TRAPPC9: variants seen among roughly 807,000 people sequenced by gnomAD.
The protein encoded by TRAPPC9 is IKK2 binding protein.
A neutral mutation model predicts 124.0 loss-of-function variants in TRAPPC9; 83 were observed. The ratio of observed to expected loss-of-function variants is 0.67; its 90% CI spans 0.56 to 0.80. The LOEUF (loss-of-function observed/expected upper bound fraction) is 0.80. TRAPPC9 is among the 30% of genes least tolerant of loss of function. The pLI, the probability that TRAPPC9 is intolerant of heterozygous loss-of-function variation, is 0.00. For missense variants in TRAPPC9, 1,302 were observed against 1,508.3 expected, an observed-to-expected ratio of 0.86 and a Z score of 2.27; for synonymous variants, 638 against 617.5, an observed-to-expected ratio of 1.03 and a Z score of -0.49.
intron 19 of TRAPPC9, among the ~76,000 whole-genome samples, chr8:139,927,185 G>C (rs987396835): frequency 2.0e-5 from 3 of 152,162 alleles, no homozygotes; most frequent in Non-Finnish European, 4.4e-5. Flanking sequence ...GACTGGGGTG[G>C]AAGAACGAGA....
chr8:139,904,214 G>A (rs575760452), intron 20 of TRAPPC9, among the ~76,000 whole-genome samples: 294 of 152,252 alleles, frequency 1.9e-3, no homozygotes, highest in Non-Finnish European at 3.4e-3. Context: ...ACCTCAAGAC[G>A]GCACAATCTG....
intron 5 of TRAPPC9, among the ~76,000 whole-genome samples, chr8:140,415,944 G>GAGCA (rs2069914853): frequency 6.6e-6 from 1 of 152,124 alleles, no homozygotes; most frequent in Non-Finnish European, 1.5e-5. Flanking sequence ...CTGGGCGACA[G>GAGCA]AGCAAGACCC....
At chr8:140,354,224 A>G (rs1449559608) in intron 9 of TRAPPC9, among the ~76,000 whole-genome samples, 1 of 152,184 alleles carries the variant, frequency 6.6e-6, no homozygotes, top group East Asian at 1.9e-4. Context: ...CATGCAGTTC[A>G]CAGGACCAGG....
rs909739571 is a variant in TRAPPC9 at position 140,400,163 on chromosome 8, C to T, written c.1009-2418G>A. Among the ~76,000 whole-genome samples the T allele has an allele frequency of 7.2e-5, 11 of 152,190 alleles. 1 individual carries two copies. The highest frequency in any genetic ancestry group is 2.4e-4 in the African/African-American group (10 of 41,458). Reference sequence around the variant, plus strand: ...TTAAACCTCTTTCTTTTGTAAATTGCCAGTCTCCAGTACGTCTTTATCAGC... The same window carrying T: ...TTAAACCTCTTTCTTTTGTAAATTGTCAGTCTCCAGTACGTCTTTATCAGC... On this transcript the variant is annotated intron_variant, in intron 6 of 22. Transcript: ENST00000438773.
chr8:140,388,938 CAGA>C (rs546880491), intron 7 of TRAPPC9, among the ~76,000 whole-genome samples: 124 of 147,848 alleles, frequency 8.4e-4, no homozygotes, highest in African/African-American at 2.9e-3. Flanking sequence ...AATCTAGACA[CAGA>C]AGGACAAACA....
At chr8:140,032,629 G>C (rs893709383) in intron 17 of TRAPPC9, among the ~76,000 whole-genome samples, 1 of 152,092 alleles carries the variant, frequency 6.6e-6, no homozygotes, top group African/African-American at 2.4e-5. Flanking sequence ...TACTTAAACA[G>C]TACCCTAAAA....
intron 21 of TRAPPC9, among the ~76,000 whole-genome samples, chr8:139,794,766 G>A (rs1376321065): frequency 6.6e-6 from 1 of 152,194 alleles, no homozygotes; most frequent in African/African-American, 2.4e-5. Flanking sequence ...TGGCGAGGAC[G>A]AGTGCTCAGT....
chr8:139,850,908 G>T (rs1298154064), intron 21 of TRAPPC9, among the ~76,000 whole-genome samples: 1 of 152,124 alleles, frequency 6.6e-6, no homozygotes, highest in Non-Finnish European at 1.5e-5. Flanking sequence ...GATATGGCAG[G>T]ATCAAGATGA....
intron 17 of TRAPPC9, among the ~76,000 whole-genome samples, chr8:140,111,546 C>T (rs903338400): frequency 2.0e-5 from 3 of 152,254 alleles, no homozygotes; most frequent in African/African-American, 7.2e-5. Flanking sequence ...TCAGCGACAG[C>T]TGCACTGATG....
chr8:140,134,613 A>C (rs2061269198), intron 17 of TRAPPC9, among the ~76,000 whole-genome samples: 1 of 152,216 alleles, frequency 6.6e-6, no homozygotes, highest in Non-Finnish European at 1.5e-5. Flanking sequence ...TCTCTTCACC[A>C]AATATTACTG....
chr8:139,924,693 G>T (rs147989773), intron 19 of TRAPPC9, among the ~76,000 whole-genome samples: 2 of 152,114 alleles, frequency 1.3e-5, no homozygotes, highest in Non-Finnish European at 2.9e-5. Context: ...CCAAGCCCTC[G>T]CTATACCCAT....
At chr8:140,280,698 T>C (rs894952618) in intron 14 of TRAPPC9, among the ~76,000 whole-genome samples, 6 of 152,102 alleles carry the variant, frequency 3.9e-5, no homozygotes, top group African/African-American at 1.4e-4. Context: ...CCTCCCAAAA[T>C]GCTAGGATTA....
intron 1 of TRAPPC9, among the ~76,000 whole-genome samples, chr8:140,455,050 T>C (rs1368430349): frequency 6.6e-6 from 1 of 152,070 alleles, no homozygotes; most frequent in South Asian, 2.1e-4. Flanking sequence ...AGTTCCTCCA[T>C]AGAGCTACTA....
chr8:139,813,295 G>A (rs1041970164), intron 21 of TRAPPC9, among the ~76,000 whole-genome samples: 2 of 152,220 alleles, frequency 1.3e-5, no homozygotes, highest in African/African-American at 4.8e-5. Context: ...GGCACCTGCT[G>A]TGGGGCTGGT....
chr8:140,457,294 C>A (rs924321163), intron 1 of TRAPPC9, among the ~76,000 whole-genome samples: 2 of 152,154 alleles, frequency 1.3e-5, no homozygotes, highest in African/African-American at 4.8e-5. Context: ...CTCGGAGGCA[C>A]AGAGGGGAAG....
At chr8:140,393,665 G>A (rs578047044) in intron 7 of TRAPPC9, among the ~76,000 whole-genome samples, 1 of 152,172 alleles carries the variant, frequency 6.6e-6, no homozygotes, top group Non-Finnish European at 1.5e-5. Context: ...GAAGGAACCT[G>A]CAATAATCAT....
chr8:140,358,007 G>T (rs183880180), intron 9 of TRAPPC9, among the ~76,000 whole-genome samples: 1 of 152,276 alleles, frequency 6.6e-6, no homozygotes, highest in East Asian at 1.9e-4. Flanking sequence ...GGATGCCAAC[G>T]GCCACAATAA....
intron 17 of TRAPPC9, among the ~76,000 whole-genome samples, chr8:140,105,751 C>A (rs1196773289): frequency 6.6e-6 from 1 of 152,066 alleles, no homozygotes; most frequent in East Asian, 1.9e-4. Flanking sequence ...TGTCTTTAAT[C>A]GCATCTTCAT....
chr8:140,264,657 T>C (rs981677500), intron 15 of TRAPPC9, among the ~76,000 whole-genome samples: 3 of 148,860 alleles, frequency 2.0e-5, no homozygotes, highest in African/African-American at 2.5e-5. Context: ...GAGAGAGAGA[T>C]GGACCCAGGA....
Sources: gnomAD v4.1 joint callset for allele counts (sites outside exome capture counted in the v4.1 genomes callset) on GRCh38, gnomAD v4.1.1 for gene constraint, MANE v1.5 for transcripts, NCBI Gene and HGNC (gene_info 2026-07-23, HGNC 2026-07-21) for gene names.